BOLL: variants seen among roughly 807,000 people sequenced by gnomAD.
BOLL encodes boule RNA binding protein.
A neutral mutation model predicts 44.4 loss-of-function variants in BOLL; 23 were observed. That is an observed-to-expected ratio of 0.52 (90% CI 0.37 to 0.73). The LOEUF is 0.73. Ranked by LOEUF, BOLL falls within the 30% of genes least tolerant of loss-of-function variation. The pLI, the probability that BOLL is intolerant of heterozygous loss-of-function variation, is 0.00. For missense variants in BOLL, 287 were observed against 338.3 expected, an observed-to-expected ratio of 0.85 and a Z score of 1.19; for synonymous variants, 97 against 110.8, an observed-to-expected ratio of 0.88 and a Z score of 0.78.
At chr2:197,786,139 C>T (rs1014848460), upstream of BOLL, 15 of 1,331,796 alleles carry the variant, frequency 1.1e-5, no homozygotes, top group Non-Finnish European at 1.5e-5. The surrounding 1 kb of genome is among the most constrained non-coding windows in gnomAD (Gnocchi z 5.9). Context: ...GCTGTGGCAG[C>T]TGCAGGGAAG....
intron 9 of BOLL, among the ~76,000 whole-genome samples, chr2:197,754,702 A>G (rs947136360): frequency 4.7e-5 from 7 of 148,728 alleles, no homozygotes; most frequent in African/African-American, 1.2e-4. Context: ...CGATGGAGCA[A>G]GACTCCGTCT....
At chr2:197,756,944 T>C (rs1688543411) in intron 8 of BOLL, among the ~76,000 whole-genome samples, 1 of 152,156 alleles carries the variant, frequency 6.6e-6, no homozygotes, top group Non-Finnish European at 1.5e-5. Flanking sequence ...TGAAACTTTT[T>C]TGGTGAAGTA....
intron 10 of BOLL, 44 bp downstream of exon 10, chr2:197,743,017 T>C (rs375368975): frequency 2.5e-4 from 357 of 1,435,584 alleles, no homozygotes; most frequent in Non-Finnish European, 3.2e-4. Context: ...ACTTGAAATA[T>C]GATGGAAGAA....
chr2:197,732,521 A>T (rs1209435300), intron 10 of BOLL, among the ~76,000 whole-genome samples: 6 of 152,158 alleles, frequency 3.9e-5, no homozygotes, highest in African/African-American at 1.2e-4. Flanking sequence ...AGAGAATTTT[A>T]GACCAATATC....
At chr2:197,781,302 G>A (rs139236944) in intron 2 of BOLL, among the ~76,000 whole-genome samples, 2,382 of 152,148 alleles carry the variant, frequency 0.016, 51 homozygotes, top group African/African-American at 0.055. Context: ...ATAAGAGTTG[G>A]GGTAAAGAAA....
At chr2:197,729,459 C>A (rs946170919) in intron 10 of BOLL, among the ~76,000 whole-genome samples, 91 of 152,244 alleles carry the variant, frequency 6.0e-4, no homozygotes, top group South Asian at 1.0e-3. Context: ...GGGTGGAGCC[C>A]AGCACAGCTC....
At chr2:197,780,776 G>T (rs1689731813) in intron 2 of BOLL, among the ~76,000 whole-genome samples, 1 of 71,248 alleles carries the variant, frequency 1.4e-5, no homozygotes, top group Non-Finnish European at 2.7e-5. Context: ...ATGGCATAAG[G>T]AAGGTTTTTT....
intron 3 of BOLL, 96 bp downstream of exon 3, chr2:197,778,879 C>G: frequency 9.9e-7 from 1 of 1,007,870 alleles, no homozygotes; most frequent in Non-Finnish European, 1.5e-6. Flanking sequence ...ATGGTCTCTG[C>G]TGGAAAATGG....
At chr2:197,730,364 A>G (rs1377521262) in intron 10 of BOLL, among the ~76,000 whole-genome samples, 95 of 130,266 alleles carry the variant, frequency 7.3e-4, no homozygotes, top group Non-Finnish European at 1.3e-3. Flanking sequence ...GATGGGGAGA[A>G]TGGAACCAAG....
chr2:197,746,899 GAA>G lies in BOLL; in HGVS notation c.730-3742_730-3741del, dbSNP rs35300403. 4.0e-3 allele frequency among the ~76,000 whole-genome samples: 380 copies of G among 94,034 alleles called. 1 individual carries two copies. Among genetic ancestry groups the G allele is most frequent in the African/African-American group, 0.014 (326 of 23,550 alleles). 61.7% of individuals were successfully genotyped at this position (94,034 alleles called of 152,430 possible). On this transcript the variant is annotated intron_variant, in intron 9 of 10. Coordinates refer to ENST00000392296, the MANE Select transcript of BOLL (RefSeq NM_033030.6). ...TGGTGACAGAGTGAGACTCTGTCTC[GAA>G]AAAAAAAAAAAAAAAAAGCAGAGAG...
At chr2:197,729,218 G>T (rs927355733) in intron 10 of BOLL, among the ~76,000 whole-genome samples, 2 of 152,174 alleles carry the variant, frequency 1.3e-5, no homozygotes, top group African/African-American at 4.8e-5. Flanking sequence ...GGTGATGGAC[G>T]GCACCTGGAA....
chr2:197,757,400 C>T lies in BOLL; in HGVS notation c.553G>A (p.Ala185Thr), dbSNP rs1688565632. ...TGTCCTGGTAAATACTGTGTGGTGG[C>T]CTAAAATTAAATAAAAGAAAAGAAA... ...IYQQPAYHYQATTQYLPGQWQ... is the reference protein window; with the variant it reads ...IYQQPAYHYQTTTQYLPGQWQ... The change falls in exon 8 of 11, where the codon GCC (alanine) becomes ACC (threonine). Residue 185 changes from alanine to threonine, a missense_variant and splice_region_variant. Physicochemically the swap from Ala to Thr is moderately conservative, Grantham distance 58. Coordinates refer to ENST00000392296, the MANE Select transcript of BOLL (RefSeq NM_033030.6). The T allele has an allele frequency of 3.1e-6, 5 of 1,606,460 alleles. No individual in the cohort carries two copies. Among genetic ancestry groups the T allele is most frequent in the Non-Finnish European group, 4.2e-6 (5 of 1,177,192 alleles).
At chr2:197,761,686 A>G (rs1361299350) in intron 7 of BOLL, among the ~76,000 whole-genome samples, 2 of 152,188 alleles carry the variant, frequency 1.3e-5, no homozygotes, top group Non-Finnish European at 2.9e-5. Flanking sequence ...AAGAGACCCA[A>G]CTATATGCTA....
intron 10 of BOLL, among the ~76,000 whole-genome samples, chr2:197,734,868 TG>T (rs1369623116): frequency 1.2e-4 from 19 of 152,226 alleles, no homozygotes; most frequent in African/African-American, 4.3e-4. Context: ...GACGAGTTAA[TG>T]GGTGCAGCAC....
At chr2:197,747,780 G>A (rs1432357985) in intron 9 of BOLL, among the ~76,000 whole-genome samples, 1 of 152,044 alleles carries the variant, frequency 6.6e-6, no homozygotes, top group African/African-American at 2.4e-5. Context: ...TCACCACACT[G>A]ATTTAAAACA....
At chr2:197,731,945 G>A (rs1236870269) in intron 10 of BOLL, among the ~76,000 whole-genome samples, 5 of 150,058 alleles carry the variant, frequency 3.3e-5, no homozygotes, top group Non-Finnish European at 7.4e-5. Context: ...GCTAGCAGAA[G>A]GCAAGAAATA....
intron 10 of BOLL, among the ~76,000 whole-genome samples, chr2:197,738,298 C>T (rs906828308): frequency 2.6e-5 from 4 of 152,012 alleles, no homozygotes; most frequent in African/African-American, 7.2e-5. Flanking sequence ...CCAGGCTGGC[C>T]TTAAACTCCT....
intron 1 of BOLL, chr2:197,784,628 C>T (rs922540071): frequency 2.8e-5 from 21 of 738,758 alleles, no homozygotes; most frequent in Non-Finnish European, 3.5e-5. Flanking sequence ...TGGGTTTTCA[C>T]CATTTTGGCC....
intron 10 of BOLL, among the ~76,000 whole-genome samples, chr2:197,731,117 A>G (rs2106307550): frequency 6.6e-6 from 1 of 152,310 alleles, no homozygotes; most frequent in East Asian, 1.9e-4. Flanking sequence ...GGATGGAGGA[A>G]GACCTACCAA....
Sources: allele counts gnomAD v4.1 joint callset (sites outside exome capture counted in the v4.1 genomes callset), GRCh38; gene constraint gnomAD v4.1.1; non-coding constraint Gnocchi (gnomAD v3.1); transcripts MANE v1.5; gene names NCBI Gene and HGNC (gene_info 2026-07-23, HGNC 2026-07-21).